Variants in TAOK1 observed in about 807,000 individuals in gnomAD.
The protein encoded by TAOK1 is serine/threonine-protein kinase TAO1.
In TAOK1, 21 loss-of-function variants were observed where a neutral mutation model predicts 138.3. The ratio of observed to expected loss-of-function variants is 0.15; its 90% CI spans 0.11 to 0.22. The LOEUF is 0.22. Among genes scored for constraint, TAOK1 ranks in the 10% least tolerant of loss-of-function variants. The probability of loss-of-function intolerance (pLI) is 1.00; values close to 1 mark genes in which losing one functional copy is unlikely to be tolerated. For synonymous variants in TAOK1, 361 were observed against 398.4 expected, an observed-to-expected ratio of 0.91 and a Z score of 1.12; for missense variants, 651 against 1,227.7, an observed-to-expected ratio of 0.53 and a Z score of 7.02.
At chr17:29,466,205 A>G (rs1478201480) in intron 2 of TAOK1, among the ~76,000 whole-genome samples, 1 of 152,090 alleles carries the variant, frequency 6.6e-6, no homozygotes, top group African/African-American at 2.4e-5. Context: ...GTGCAGTGGC[A>G]CGGTCATGGC....
chr17:29,440,979 A>G (rs955469803), intron 1 of TAOK1, among the ~76,000 whole-genome samples: 2 of 152,176 alleles, frequency 1.3e-5, no homozygotes, highest in East Asian at 1.9e-4. Flanking sequence ...ATAAAGTGAT[A>G]TATTACATTG....
rs1042428192 is a variant in TAOK1 at position 29,548,717 on chromosome 17, A to G, written c.*5695A>G. The G allele has an allele frequency of 2.0e-5, 3 of 152,196 alleles. No homozygotes were observed. Among genetic ancestry groups the G allele is most frequent in the African/African-American group, 7.2e-5 (3 of 41,466 alleles). 9.4% of individuals were successfully genotyped at this position (152,196 alleles called of 1,614,324 possible). ...AAAAATCATGTAATTATCTGTAAAT[A>G]TGTAGCTAACAAATTGACCTAGTTT... On this transcript the variant is annotated 3_prime_UTR_variant, in exon 20 of 20. Coordinates refer to ENST00000261716, the MANE Select transcript of TAOK1 (RefSeq NM_020791.4).
In TAOK1 at chr17:29,517,594, C is replaced by T; in HGVS notation, c.1846C>T (p.Arg616Cys). Residue 616 changes from arginine to cysteine, a missense_variant, in exon 16 of 20, where the codon CGT becomes TGT. By Grantham distance (180) the Arg-to-Cys change is radical. Around this residue, in one of 8 missense-constraint regions of TAOK1, gnomAD observed 258 missense variants for 548.9 expected, o/e 0.47. Coordinates refer to ENST00000261716, the MANE Select transcript of TAOK1 (RefSeq NM_020791.4). ...AAGACAATACCTAGAGCTGGAATGC[C>T]GTCGCTTCAAGAGAAGAATGTTACT... Reference protein sequence around the residue: ...RQRQYLELECRRFKRRMLLGR... With the variant: ...RQRQYLELECCRFKRRMLLGR... 6.2e-7 allele frequency: 1 copy of T among 1,613,612 alleles called. No individual in the cohort carries two copies.
At chr17:29,475,397 G>A (rs1056387899) in intron 3 of TAOK1, among the ~76,000 whole-genome samples, 2 of 152,152 alleles carry the variant, frequency 1.3e-5, no homozygotes, top group African/African-American at 4.8e-5. Flanking sequence ...AAAATTAGAT[G>A]AGCATGGTGG....
At chr17:29,466,202 G>GGCAC (rs1429443898) in intron 2 of TAOK1, among the ~76,000 whole-genome samples, 5 of 152,166 alleles carry the variant, frequency 3.3e-5, no homozygotes, top group African/African-American at 1.2e-4. Context: ...GGAGTGCAGT[G>GGCAC]GCACGGTCAT....
At chr17:29,408,281 A>G (rs1275022839) in intron 1 of TAOK1, among the ~76,000 whole-genome samples, 1 of 146,428 alleles carries the variant, frequency 6.8e-6, no homozygotes, top group Admixed American at 7.0e-5. Flanking sequence ...GCTGGAGTGC[A>G]GTGGCGCAAT....
intron 1 of TAOK1, among the ~76,000 whole-genome samples, chr17:29,409,333 A>ATT (rs869195465): frequency 0.012 from 679 of 58,998 alleles, 17 homozygotes; most frequent in Non-Finnish European, 0.017. Flanking sequence ...ATATATATAT[A>ATT]TTTTTTTTTT....
intron 17 of TAOK1, 28 bp downstream of exon 17, chr17:29,522,547 C>T (rs1221934180): frequency 1.9e-6 from 3 of 1,611,486 alleles, no homozygotes; most frequent in Admixed American, 3.3e-5. Flanking sequence ...TTTTTGATAA[C>T]AGGGAGGAGA....
intron 17 of TAOK1, among the ~76,000 whole-genome samples, chr17:29,523,142 C>CT (rs2031949370): frequency 1.3e-5 from 2 of 151,522 alleles, no homozygotes; most frequent in Admixed American, 6.6e-5. Flanking sequence ...TGTCAACAAG[C>CT]TTACCATTTG....
At chr17:29,411,943 T>G (rs955978173) in intron 1 of TAOK1, among the ~76,000 whole-genome samples, 1 of 152,190 alleles carries the variant, frequency 6.6e-6, no homozygotes, top group African/African-American at 2.4e-5. Flanking sequence ...TTTATTGTTT[T>G]TTAAGATTAT....
At chr17:29,433,582 C>A (rs1905923282) in intron 1 of TAOK1, among the ~76,000 whole-genome samples, 1 of 151,932 alleles carries the variant, frequency 6.6e-6, no homozygotes, top group Non-Finnish European at 1.5e-5. Context: ...GTGAGTAAAG[C>A]AGAGGGTTTT....
At chr17:29,416,233 C>CTG (rs2153021383) in intron 1 of TAOK1, among the ~76,000 whole-genome samples, 1 of 152,188 alleles carries the variant, frequency 6.6e-6, no homozygotes, top group South Asian at 2.1e-4. Flanking sequence ...CACTGCACTC[C>CTG]AGTCTGAGTG....
In TAOK1 at chr17:29,495,737, A is replaced by G. The variant is rs764728107; in HGVS notation, c.999+10A>G. ...ACAGGAAGAAGAAGAGGTAAGAGAT[A>G]AAAAAATGACTCCAATATTGAATTT... On this transcript the variant is annotated intron_variant, in intron 11 of 19. Transcript: ENST00000261716. 2.5e-6 allele frequency: 4 copies of G among 1,574,460 alleles called. No homozygotes were observed. In the South Asian group the frequency reaches 4.7e-5, roughly 18 times the overall value.
chr17:29,504,571 G>A lies in TAOK1; in HGVS notation c.1338+1848G>A, dbSNP rs531787453. 7.2e-5 allele frequency among the ~76,000 whole-genome samples: 11 copies of A among 152,200 alleles called. No individual in the cohort carries two copies. The South Asian group carries it at 8.3e-4, about 11-fold the overall frequency. ...TGTAATCCCGGCTACTTGGGAGGCT[G>A]AGGCAGGAGAATTGCTTGAACCCAG... On this transcript the variant is annotated intron_variant, in intron 13 of 19. Coordinates refer to ENST00000261716, the MANE Select transcript of TAOK1 (RefSeq NM_020791.4).
In TAOK1 at chr17:29,508,012, A is replaced by G; in HGVS notation, c.1455A>G (p.Leu485=). Residue 485 remains leucine, a synonymous_variant, in exon 14 of 20, where the codon CTA becomes CTG. Transcript: ENST00000261716. The part of the protein sequence containing the change: ...QKQLMTLENK[L]KAEMDEHRLR... ...AACTGATGACTCTGGAAAACAAGCT[A>G]AAGGCTGAGATGGATGAACATCGCC... is the stretch of plus-strand genomic sequence containing the variant. 1 of 1,614,132 alleles carries G rather than the reference A, an allele frequency of 6.2e-7. No homozygotes were observed.
intron 16 of TAOK1, among the ~76,000 whole-genome samples, chr17:29,517,966 G>A (rs531067042): frequency 2.0e-5 from 3 of 151,846 alleles, no homozygotes; most frequent in South Asian, 2.1e-4. Flanking sequence ...AGTGATTTTC[G>A]TGCCTCAGCC....
chr17:29,456,723 T>C (rs559641147), intron 2 of TAOK1, among the ~76,000 whole-genome samples: 4 of 150,548 alleles, frequency 2.7e-5, no homozygotes, highest in Non-Finnish European at 5.9e-5. Context: ...CATATAGTTC[T>C]ATTTCTTTTT....
intron 19 of TAOK1, among the ~76,000 whole-genome samples, chr17:29,539,700 C>T (rs2150777976): frequency 1.3e-5 from 2 of 152,216 alleles, no homozygotes; most frequent in South Asian, 4.1e-4. Context: ...CCTCCCAAAG[C>T]TCTTGGGATT....
intron 10 of TAOK1, among the ~76,000 whole-genome samples, chr17:29,493,626 A>G (rs1489594165): frequency 2.0e-5 from 3 of 152,202 alleles, no homozygotes; most frequent in African/African-American, 4.8e-5. Context: ...GTCTGCATAT[A>G]TTAATAGTAT....
Sources: allele counts gnomAD v4.1 joint callset (sites outside exome capture counted in the v4.1 genomes callset), GRCh38; gene constraint gnomAD v4.1.1; regional missense constraint gnomAD v4.1.1; transcripts MANE v1.5; gene names NCBI Gene and HGNC (gene_info 2026-07-23, HGNC 2026-07-21).